Variants in ANO4 observed in about 807,000 individuals in gnomAD.
ANO4 encodes anoctamin-4.
In ANO4, 69 loss-of-function variants were observed where a neutral mutation model predicts 141.9. The ratio of observed to expected loss-of-function variants is 0.49; its 90% CI spans 0.40 to 0.59. The LOEUF is 0.59. ANO4 is among the 20% of genes least tolerant of loss of function. ANO4 has a pLI of 0.00. For synonymous variants in ANO4, 350 were observed against 394.3 expected (o/e 0.89, Z 1.33); for missense variants, 894 against 1,162.2 (o/e 0.77, Z 3.36).
chr12:100,935,320 G>A (rs186196625), intron 3 of ANO4, among the ~76,000 whole-genome samples: 58 of 152,136 alleles, frequency 3.8e-4, no homozygotes, highest in Non-Finnish European at 7.4e-4. Context: ...GAATTTTGTT[G>A]AAGGCCTTTT....
intron 5 of ANO4, among the ~76,000 whole-genome samples, chr12:100,943,490 G>A (rs1051085075): frequency 1.3e-5 from 2 of 152,124 alleles, no homozygotes; most frequent in African/African-American, 4.8e-5. Flanking sequence ...ATCTGATCTT[G>A]GGACACTTCA....
intron 13 of ANO4, among the ~76,000 whole-genome samples, chr12:101,044,227 C>T (rs1315928052): frequency 6.6e-6 from 1 of 152,108 alleles, no homozygotes; most frequent in East Asian, 1.9e-4. Flanking sequence ...GCTTTCTTGT[C>T]TCTAAAATAC....
intron 8 of ANO4, among the ~76,000 whole-genome samples, chr12:100,997,706 G>A (rs951792699): frequency 5.9e-5 from 9 of 151,968 alleles, no homozygotes; most frequent in African/African-American, 1.2e-4. Flanking sequence ...AGGGAGAAAC[G>A]TAGTAACTCA....
intron 15 of ANO4, among the ~76,000 whole-genome samples, chr12:101,080,593 A>C (rs921843806): frequency 1.3e-5 from 2 of 151,990 alleles, no homozygotes; most frequent in African/African-American, 4.8e-5. Context: ...ATAGATGGCC[A>C]TCTTCTCCCT....
chr12:100,971,489 T>G (rs529640803), intron 6 of ANO4, 83 bp downstream of exon 6: 2 of 1,025,816 alleles, frequency 1.9e-6, no homozygotes, highest in African/African-American at 3.2e-5. Context: ...CAAATAAAAC[T>G]GAAATGCAGA....
chr12:100,750,542 C>T (rs770219456), intron 3 of ANO4, among the ~76,000 whole-genome samples: 5 of 152,014 alleles, frequency 3.3e-5, no homozygotes, highest in Non-Finnish European at 5.9e-5. Context: ...AAATATTATA[C>T]CAAATAATTT....
intron 23 of ANO4, 146 bp from the exon 24 acceptor site, chr12:101,111,417 A>G: frequency 1.4e-6 from 1 of 720,284 alleles, no homozygotes; most frequent in Non-Finnish European, 2.2e-6. Context: ...TGTTTGCACA[A>G]ATCTTTCCTC....
At chr12:100,942,286 A>G (rs1349433789) in intron 4 of ANO4, 91 bp from the exon 5 acceptor site, 1 of 1,462,380 alleles carries the variant, frequency 6.8e-7, no homozygotes, top group Non-Finnish European at 9.3e-7. Flanking sequence ...AACTGAAAAA[A>G]GTTATTTAGT....
At chr12:100,885,188 A>T (rs2039769827) in intron 1 of ANO4, among the ~76,000 whole-genome samples, 1 of 152,182 alleles carries the variant, frequency 6.6e-6, no homozygotes, top group East Asian at 1.9e-4. Flanking sequence ...AAAGTCCTTA[A>T]ATCTGCAAAG....
chr12:100,744,424 C>G (rs2032012796), intron 3 of ANO4, among the ~76,000 whole-genome samples: 1 of 152,176 alleles, frequency 6.6e-6, no homozygotes, highest in Non-Finnish European at 1.5e-5. Flanking sequence ...GCTGGCTGGT[C>G]TTCTCACTGT....
chr12:100,776,130 C>G (rs1266109198), intron 3 of ANO4, among the ~76,000 whole-genome samples: 1 of 152,158 alleles, frequency 6.6e-6, no homozygotes, highest in Non-Finnish European at 1.5e-5. Context: ...CCCCGCTACA[C>G]AGGAGGGGAA....
At position 101,086,703 on chromosome 12, in the gene ANO4, G is replaced by A. The variant is rs377115870; in HGVS notation, c.1580G>A (p.Arg527Gln). ...GCCGTGTTCGGGATCGTCATTTACCGGGTGGTGACTGTCAGCACTTTCGCT... is the reference window on the plus strand; with the variant it reads ...GCCGTGTTCGGGATCGTCATTTACCAGGTGGTGACTGTCAGCACTTTCGCT... ...IAAVFGIVIYRVVTVSTFAAF... is the reference protein window; with the variant it reads ...IAAVFGIVIYQVVTVSTFAAF... The change falls in exon 17 of 28, where the codon CGG becomes CAG. Residue 527 changes from arginine to glutamine, a missense_variant. Coordinates refer to ENST00000392977, the MANE Select transcript of ANO4 (RefSeq NM_001286615.2). 12 of 1,613,638 alleles carry A rather than the reference G, an allele frequency of 7.4e-6. No individual in the cohort carries two copies. Among genetic ancestry groups the A allele is most frequent in the South Asian group, 4.4e-5 (4 of 91,064 alleles).
chr12:100,717,675 G>C (rs1482931813), intron 1 of ANO4: 1 of 395,384 alleles, frequency 2.5e-6, no homozygotes, highest in Admixed American at 4.4e-5. Context: ...GGGAGACGGC[G>C]GCCGTGCGCG....
intron 1 of ANO4, among the ~76,000 whole-genome samples, chr12:100,879,720 T>C (rs1184948803): frequency 6.6e-6 from 1 of 152,184 alleles, no homozygotes; most frequent in Admixed American, 6.5e-5. Context: ...AATTGGCTCC[T>C]CCAATCACCC....
At chr12:100,970,686 C>G (rs1207709635) in intron 5 of ANO4, among the ~76,000 whole-genome samples, 1 of 124,360 alleles carries the variant, frequency 8.0e-6, no homozygotes, top group African/African-American at 3.0e-5. Context: ...TCCTTCCTTC[C>G]TTCCTTCCTT....
intron 8 of ANO4, among the ~76,000 whole-genome samples, chr12:100,995,065 G>T (rs1284783184): frequency 6.7e-6 from 1 of 150,100 alleles, no homozygotes; most frequent in Non-Finnish European, 1.5e-5. Context: ...ATTTTTTGAA[G>T]TCAATTTAAA....
chr12:100,890,291 CCA>C lies in ANO4; in HGVS notation c.-140-11354_-140-11353del, dbSNP rs1454839962. ...ATAGACCCAGAATATGCACGAATAT[CCA>C]TTCAACACAAAAGTCCATCTCTCTA... On this transcript the variant is annotated intron_variant, in intron 1 of 27. Coordinates refer to ENST00000392977, the MANE Select transcript of ANO4 (RefSeq NM_001286615.2). 5.0e-3 allele frequency among the ~76,000 whole-genome samples: 756 copies of C among 152,260 alleles called. 3 individuals are homozygous for C. The highest frequency in any genetic ancestry group is 0.017 in the African/African-American group (718 of 41,550).
chr12:100,794,548 G>C (rs1002954940), upstream of ANO4: 4 of 152,270 alleles, frequency 2.6e-5, no homozygotes, highest in Non-Finnish European at 1.5e-5. Flanking sequence ...ACACTGACAC[G>C]GCCCCCTGGC....
At position 100,876,291 on chromosome 12, in the gene ANO4, A is replaced by AAAAAAT. The variant is rs1555236584; in HGVS notation, c.-140-25350_-140-25349insTAAAAA. 6.3e-3 allele frequency among the ~76,000 whole-genome samples: 953 copies of AAAAAAT among 151,432 alleles called. 19 individuals carry two copies. Among genetic ancestry groups the AAAAAAT allele is most frequent in the African/African-American group, 0.022 (892 of 40,940 alleles). On this transcript the variant is annotated intron_variant, in intron 1 of 27. Coordinates refer to ENST00000392977, the MANE Select transcript of ANO4 (RefSeq NM_001286615.2). Reference sequence around the variant, plus strand: ...GAATATAAAGACCAAAAAAAAAAAAAAAAAACAGTGGGAATTATCAAGATG... The same window carrying AAAAAAT: ...GAATATAAAGACCAAAAAAAAAAAAAAAAAATAAAAACAGTGGGAATTATCAAGATG...
Sources: allele counts gnomAD v4.1 joint callset (sites outside exome capture counted in the v4.1 genomes callset), GRCh38; gene constraint gnomAD v4.1.1; transcripts MANE v1.5; gene names NCBI Gene and HGNC (gene_info 2026-07-23, HGNC 2026-07-21).